The following AIG1 variants were observed in gnomAD, a reference collection of about 807,000 sequenced individuals.
AIG1 encodes the protein androgen induced 1, also known as androgen-induced gene 1 protein.
AIG1 carries 23 observed loss-of-function variants against 31.4 expected under a neutral mutation model. That is an observed-to-expected ratio of 0.73 (90% CI 0.53 to 1.04). The LOEUF (loss-of-function observed/expected upper bound fraction) is 1.04, where lower values mean the gene tolerates loss of function less well. Ranked by LOEUF, AIG1 falls within the 50% of genes least tolerant of loss-of-function variation. AIG1 has a pLI of 0.00. For missense variants in AIG1, 274 were observed against 295.0 expected (o/e 0.93, Z 0.52); for synonymous variants, 100 against 110.5 (o/e 0.90, Z 0.60).
At chr6:143,135,972 T>C (rs943050783) in intron 1 of AIG1, among the ~76,000 whole-genome samples, 8 of 152,300 alleles carry the variant, frequency 5.3e-5, no homozygotes, top group Non-Finnish European at 1.0e-4. Flanking sequence ...TTTCCATAAT[T>C]TGAATGATCA....
At chr6:143,214,022 C>T (rs1791812553) in intron 3 of AIG1, among the ~76,000 whole-genome samples, 2 of 152,040 alleles carry the variant, frequency 1.3e-5, no homozygotes, top group South Asian at 4.1e-4. Context: ...GAATAATTGC[C>T]ACAACACTGA....
Position 143,333,871 on chromosome 6 carries a change from G to T in AIG1, c.679+426G>T, listed in dbSNP as rs1048854132. 2.0e-5 allele frequency among the ~76,000 whole-genome samples: 3 copies of T among 152,146 alleles called. No individual in the cohort carries two copies. Among genetic ancestry groups the T allele is most frequent in the African/African-American group, 7.2e-5 (3 of 41,438 alleles). ...CCAGATCTCCACTTTCTATGTGGGT[G>T]CAGTCACCTGGGAGAGGTCTTACTA... On this transcript the variant is annotated intron_variant, in intron 5 of 5. Transcript: ENST00000357847. The surrounding 1 kb of genome is among the most constrained non-coding windows in gnomAD (Gnocchi z 4.6).
rs759315293 is a variant in AIG1 at position 143,297,122 on chromosome 6, C to T, written c.515+12897C>T. ...GAAAATAGAGTCTACGGAAGGTTCT[C>T]TAACCCAGACTTAGAGAGTTCTGAA... On this transcript the variant is annotated intron_variant, in intron 4 of 5. Coordinates refer to ENST00000357847, the MANE Select transcript of AIG1 (RefSeq NM_016108.4). This position sits in a 1 kb window ranked among gnomAD's most constrained non-coding sequence, Gnocchi z 5.1. Among the ~76,000 whole-genome samples, 1 of 152,186 alleles carries T rather than the reference C, an allele frequency of 6.6e-6. No homozygotes were observed. The highest frequency in any genetic ancestry group is 1.5e-5 in the Non-Finnish European group (1 of 68,036).
intron 3 of AIG1, among the ~76,000 whole-genome samples, chr6:143,173,555 C>T (rs1240628132): frequency 6.6e-6 from 1 of 152,156 alleles, no homozygotes; most frequent in Non-Finnish European, 1.5e-5. Flanking sequence ...ACTGCTTTTG[C>T]TGTATCCCAG....
intron 2 of AIG1, among the ~76,000 whole-genome samples, chr6:143,163,406 A>G (rs191425045): frequency 3.3e-5 from 5 of 152,318 alleles, no homozygotes; most frequent in Admixed American, 1.3e-4. Context: ...TTCTGATCTC[A>G]TAGCATCCCT....
chr6:143,279,169 AT>A lies in AIG1; in HGVS notation c.400-4934del, dbSNP rs377517031. Among the ~76,000 whole-genome samples, 4 of 152,060 alleles carry A rather than the reference AT, an allele frequency of 2.6e-5. No individual in the cohort carries two copies. Among genetic ancestry groups the A allele is most frequent in the Admixed American group, 6.5e-5 (1 of 15,270 alleles). ...ATATAATCTTCAACTCTGAAAGTTCATTTTTTTCTTCTGATTCTAAAAGAAA... is the reference window on the plus strand; with the variant it reads ...ATATAATCTTCAACTCTGAAAGTTCATTTTTTCTTCTGATTCTAAAAGAAA... On this transcript the variant is annotated intron_variant, in intron 3 of 5. Transcript: ENST00000357847. The surrounding 1 kb of genome is among the most constrained non-coding windows in gnomAD (Gnocchi z 5.4).
chr6:143,071,427 T>C (rs1043755646), intron 1 of AIG1, among the ~76,000 whole-genome samples: 5 of 152,208 alleles, frequency 3.3e-5, no homozygotes, highest in African/African-American at 1.2e-4. Flanking sequence ...ACCATAAGTT[T>C]TTATTTCTCT....
At chr6:143,245,629 G>A (rs1365881721) in intron 3 of AIG1, among the ~76,000 whole-genome samples, 1 of 152,180 alleles carries the variant, frequency 6.6e-6, no homozygotes, top group Non-Finnish European at 1.5e-5. Context: ...GGGTGCTGAA[G>A]CAGTCCCAAA....
intron 2 of AIG1, among the ~76,000 whole-genome samples, chr6:143,144,005 A>G (rs2128534445): frequency 6.6e-6 from 1 of 152,316 alleles, no homozygotes; most frequent in Middle Eastern, 3.4e-3. Context: ...CTGATAAGAA[A>G]CCAGGTTGCT....
At chr6:143,289,047 T>G (rs1194455626) in intron 4 of AIG1, among the ~76,000 whole-genome samples, 3 of 152,116 alleles carry the variant, frequency 2.0e-5, no homozygotes, top group Non-Finnish European at 4.4e-5. Context: ...TGAAGCCTCA[T>G]ACGTGGCAGC....
At chr6:143,064,765 A>C (rs1485979763) in intron 1 of AIG1, among the ~76,000 whole-genome samples, 1 of 152,232 alleles carries the variant, frequency 6.6e-6, no homozygotes, top group African/African-American at 2.4e-5. Context: ...GGAGACATAC[A>C]TATGTGTAAC....
chr6:143,216,158 G>T (rs966777408), intron 3 of AIG1, among the ~76,000 whole-genome samples: 1 of 152,042 alleles, frequency 6.6e-6, no homozygotes, highest in African/African-American at 2.4e-5. Flanking sequence ...CAAGACTCTT[G>T]TTTCATTTTA....
intron 1 of AIG1, among the ~76,000 whole-genome samples, chr6:143,125,280 T>G (rs890891401): frequency 1.3e-5 from 2 of 152,190 alleles, no homozygotes. Context: ...CTAAATGTCA[T>G]ATACTTAGCA....
In AIG1 at chr6:143,340,924, C is replaced by T. The variant is rs566490281; in HGVS notation, c.*1248C>T. On this transcript the variant is annotated 3_prime_UTR_variant, in exon 6 of 6. Transcript: ENST00000357847. Reference sequence around the variant, plus strand: ...AACAAATGATATAAAACCATTCACTCCAAAATTATAATTACATTTTAAAAT... The same window carrying T: ...AACAAATGATATAAAACCATTCACTTCAAAATTATAATTACATTTTAAAAT... Among the ~76,000 whole-genome samples the T allele has an allele frequency of 5.7e-4, 87 of 151,816 alleles. No homozygotes were observed. Among genetic ancestry groups the T allele is most frequent in the African/African-American group, 2.0e-3 (81 of 41,368 alleles).
In AIG1 at chr6:143,256,321, A is replaced by G. The variant is rs1201735196; in HGVS notation, c.400-27789A>G. On this transcript the variant is annotated intron_variant, in intron 3 of 5. Coordinates refer to ENST00000357847, the MANE Select transcript of AIG1 (RefSeq NM_016108.4). The surrounding 1 kb of genome is among the most constrained non-coding windows in gnomAD (Gnocchi z 4.6). Reference sequence around the variant, plus strand: ...TAAGTGGAAAAAGAAAATCAATGATACTTTAAAAGTTCCTCCAACCTCTTG... The same window carrying G: ...TAAGTGGAAAAAGAAAATCAATGATGCTTTAAAAGTTCCTCCAACCTCTTG... Among the ~76,000 whole-genome samples the G allele has an allele frequency of 6.6e-6, 1 of 152,230 alleles. No individual in the cohort carries two copies. The highest frequency in any genetic ancestry group is 1.5e-5 in the Non-Finnish European group (1 of 68,038).
At chr6:143,209,350 A>G (rs926803744) in intron 3 of AIG1, among the ~76,000 whole-genome samples, 15 of 152,350 alleles carry the variant, frequency 9.8e-5, no homozygotes, top group Non-Finnish European at 1.8e-4. Flanking sequence ...GTTATGTTAC[A>G]TGGCAAAGGG....
chr6:143,230,363 G>A (rs72990440), intron 3 of AIG1, among the ~76,000 whole-genome samples: 2,768 of 150,548 alleles, frequency 0.018, 52 homozygotes, highest in Non-Finnish European at 0.03. Context: ...ATATGTTATA[G>A]TTTATATTAT....
At chr6:143,234,051 A>G (rs1239220676) in intron 3 of AIG1, among the ~76,000 whole-genome samples, 3 of 152,206 alleles carry the variant, frequency 2.0e-5, no homozygotes, top group Non-Finnish European at 4.4e-5. Flanking sequence ...CCTCTCTGGC[A>G]TCTGTCCATG....
intron 1 of AIG1, among the ~76,000 whole-genome samples, chr6:143,089,735 A>T (rs1779131852): frequency 6.6e-6 from 1 of 152,110 alleles, no homozygotes; most frequent in African/African-American, 2.4e-5. Context: ...CAAGAGAGAG[A>T]GGAGAGGTGC....
Sources: allele counts gnomAD v4.1 joint callset (sites outside exome capture counted in the v4.1 genomes callset), GRCh38; gene constraint gnomAD v4.1.1; non-coding constraint Gnocchi (gnomAD v3.1); transcripts MANE v1.5; gene names NCBI Gene and HGNC (gene_info 2026-07-23, HGNC 2026-07-21).